KITLG: variants seen among roughly 807,000 people sequenced by gnomAD.
The protein encoded by KITLG is c-Kit ligand.
KITLG carries 13 observed loss-of-function variants against 34.1 expected under a neutral mutation model. The observed-to-expected ratio is 0.38, with a 90% CI of 0.25 to 0.61. The LOEUF is 0.61. Ranked by LOEUF, KITLG falls within the 20% of genes least tolerant of loss-of-function variation. The pLI is 0.60. For synonymous variants in KITLG, 110 were observed against 104.0 expected (o/e 1.06, Z -0.35); for missense variants, 292 against 318.9 (o/e 0.92, Z 0.64).
intron 3 of KITLG, among the ~76,000 whole-genome samples, chr12:88,529,336 T>C (rs1869995195): frequency 6.6e-6 from 1 of 152,180 alleles, no homozygotes; most frequent in South Asian, 2.1e-4. Context: ...ATCCAGGTAT[T>C]CTTTAAGGTT....
chr12:88,525,266 A>T (rs745900040), intron 3 of KITLG, among the ~76,000 whole-genome samples: 5 of 152,110 alleles, frequency 3.3e-5, no homozygotes, highest in Non-Finnish European at 7.4e-5. Flanking sequence ...GGCCTGTTGC[A>T]CCCATGCCCT....
At chr12:88,554,701 A>C (rs1444985044) in intron 1 of KITLG, among the ~76,000 whole-genome samples, 1 of 152,230 alleles carries the variant, frequency 6.6e-6, no homozygotes, top group Admixed American at 6.5e-5. Flanking sequence ...TCATTTGGTG[A>C]ATAACCATTC....
At chr12:88,525,721 T>C (rs1869840407) in intron 3 of KITLG, among the ~76,000 whole-genome samples, 2 of 152,128 alleles carry the variant, frequency 1.3e-5, no homozygotes, top group Admixed American at 1.3e-4. Context: ...TCTGGACAAA[T>C]TCCATAGAAG....
chr12:88,500,740 G>C (rs751132387), intron 9 of KITLG, among the ~76,000 whole-genome samples: 11 of 152,158 alleles, frequency 7.2e-5, no homozygotes, highest in Non-Finnish European at 1.6e-4. Context: ...TCACATAGCT[G>C]TTCTCACGCA....
At chr12:88,522,428 T>G in intron 3 of KITLG, among the ~76,000 whole-genome samples, 1 of 876 alleles carries the variant, frequency 1.1e-3, no homozygotes, top group East Asian at 0.056. Flanking sequence ...TGCACAGTCT[T>G]TTTTTTTTTT....
intron 1 of KITLG, among the ~76,000 whole-genome samples, chr12:88,574,949 T>C (rs1466311506): frequency 1.3e-5 from 2 of 152,182 alleles, no homozygotes; most frequent in Non-Finnish European, 2.9e-5. Flanking sequence ...TGCATAAAAG[T>C]AGAACAGTCT....
intron 1 of KITLG, among the ~76,000 whole-genome samples, chr12:88,546,209 T>C (rs890227114): frequency 4.0e-4 from 61 of 152,186 alleles, no homozygotes; most frequent in African/African-American, 1.3e-3. Flanking sequence ...ATAAAATGTA[T>C]ACCTTATGGC....
intron 2 of KITLG, among the ~76,000 whole-genome samples, chr12:88,539,601 T>C (rs1274780850): frequency 6.6e-6 from 1 of 152,142 alleles, no homozygotes; most frequent in Non-Finnish European, 1.5e-5. Flanking sequence ...AACTGGACTT[T>C]TTTAAAATGG....
At chr12:88,506,171 A>T (rs1370213127) in intron 8 of KITLG, 140 bp downstream of exon 8, 6 of 689,450 alleles carry the variant, frequency 8.7e-6, no homozygotes, top group Non-Finnish European at 1.6e-5. Context: ...GACATCAGAA[A>T]CATGGATAGA....
chr12:88,519,375 G>A (rs1318493478), intron 3 of KITLG, among the ~76,000 whole-genome samples: 1 of 151,998 alleles, frequency 6.6e-6, no homozygotes, highest in Non-Finnish European at 1.5e-5. Flanking sequence ...CTTTTAAGTG[G>A]AAACTCTGAT....
rs1456388999 is a variant in KITLG, at chr12:88,495,320, T to C, written c.*1899A>G. 1 of 152,038 alleles carries C rather than the reference T, an allele frequency of 6.6e-6. No homozygotes were observed. Among genetic ancestry groups the C allele is most frequent in the Admixed American group, 6.6e-5 (1 of 15,244 alleles). 9.4% of individuals were successfully genotyped at this position (152,038 alleles called of 1,614,324 possible). ...TCAATCTATACACAACCTACACGCA[T>C]AACTCATATTAATCTGTATCTATTT... On this transcript the variant is annotated 3_prime_UTR_variant, in exon 10 of 10. Coordinates refer to ENST00000644744, the MANE Select transcript of KITLG (RefSeq NM_000899.5).
chr12:88,510,963 A>C (rs1338494072), intron 6 of KITLG, among the ~76,000 whole-genome samples: 1 of 152,176 alleles, frequency 6.6e-6, no homozygotes, highest in African/African-American at 2.4e-5. Flanking sequence ...TTCTCTCTGA[A>C]TGTTAGCACC....
chr12:88,555,360 T>G (rs1018172505), intron 1 of KITLG, among the ~76,000 whole-genome samples: 1 of 152,206 alleles, frequency 6.6e-6, no homozygotes, highest in African/African-American at 2.4e-5. Flanking sequence ...ATTATTACCC[T>G]ACTCTGCAGG....
chr12:88,551,299 C>T (rs573763701), intron 1 of KITLG, among the ~76,000 whole-genome samples: 1 of 152,296 alleles, frequency 6.6e-6, no homozygotes, highest in South Asian at 2.1e-4. Context: ...ACACCTCCTT[C>T]ATCAGTATAC....
At chr12:88,525,273 C>A (rs1869823663) in intron 3 of KITLG, among the ~76,000 whole-genome samples, 1 of 152,096 alleles carries the variant, frequency 6.6e-6, no homozygotes, top group South Asian at 2.1e-4. Context: ...TGCACCCATG[C>A]CCTTAGGTGA....
intron 1 of KITLG, among the ~76,000 whole-genome samples, chr12:88,557,911 C>T (rs2120944260): frequency 6.6e-6 from 1 of 152,210 alleles, no homozygotes; most frequent in African/African-American, 2.4e-5. Context: ...AATCTGAGGG[C>T]TGTAGCTCTC....
rs1869549719 is a variant in KITLG at position 88,518,754 on chromosome 12, G to C, written c.306C>G (p.Asp102Glu). ...GGTCATCCACTATATTCACAAGTTT[G>C]TCTATGATGGAATAATTACTCAAGC... Reference protein sequence around the residue: ...SEGLSNYSIIDKLVNIVDDLV... With the variant: ...SEGLSNYSIIEKLVNIVDDLV... Residue 102 changes from aspartate to glutamate, a missense_variant, in exon 4 of 10, where the codon GAC becomes GAG. Physicochemically the swap from Asp to Glu is conservative, Grantham distance 45. Coordinates refer to ENST00000644744, the MANE Select transcript of KITLG (RefSeq NM_000899.5). The C allele has an allele frequency of 6.2e-7, 1 of 1,613,320 alleles. No homozygotes were observed. The highest frequency in any genetic ancestry group is 8.5e-7 in the Non-Finnish European group (1 of 1,179,450).
At chr12:88,516,587 A>T (rs1592842457) in intron 4 of KITLG, 97 bp from the exon 5 acceptor site, 1 of 770,574 alleles carries the variant, frequency 1.3e-6, no homozygotes, top group East Asian at 2.7e-5. Context: ...AGATTCAAGT[A>T]TTTAGACTCT....
chr12:88,558,752 G>A (rs1873681), intron 1 of KITLG, among the ~76,000 whole-genome samples: 100,144 of 152,066 alleles, frequency 0.66, 36,708 homozygotes, highest in Middle Eastern at 0.86. Flanking sequence ...ACATCTTTTA[G>A]TAAGCCCTCT....
Sources: gnomAD v4.1 joint callset for allele counts (sites outside exome capture counted in the v4.1 genomes callset) on GRCh38, gnomAD v4.1.1 for gene constraint, MANE v1.5 for transcripts, NCBI Gene and HGNC (gene_info 2026-07-23, HGNC 2026-07-21) for gene names.